The following MCC variants were observed in gnomAD, a reference collection of about 807,000 sequenced individuals.
MCC encodes the protein colorectal mutant cancer protein.
MCC carries 90 observed loss-of-function variants against 116.2 expected under a neutral mutation model. The ratio of observed to expected loss-of-function variants is 0.77; its 90% CI spans 0.65 to 0.92. The LOEUF is 0.92. Ranked by LOEUF, MCC falls within the 40% of genes least tolerant of loss-of-function variation. The pLI, the probability that MCC is intolerant of heterozygous loss-of-function variation, is 0.00. For missense variants in MCC, 1,516 were observed against 1,312.2 expected, an observed-to-expected ratio of 1.16 and a Z score of -2.40; for synonymous variants, 578 against 510.5, an observed-to-expected ratio of 1.13 and a Z score of -1.78.
chr5:113,430,184 T>A (rs1357722307), intron 1 of MCC, among the ~76,000 whole-genome samples: 1 of 152,252 alleles, frequency 6.6e-6, no homozygotes, highest in East Asian at 1.9e-4. Context: ...AGTCATTTTT[T>A]CAACACTAAC....
intron 3 of MCC, among the ~76,000 whole-genome samples, chr5:113,327,595 A>G (rs1434859198): frequency 8.1e-6 from 1 of 122,774 alleles, no homozygotes; most frequent in Non-Finnish European, 1.8e-5. Context: ...TAAAAATCTC[A>G]TCCTCTATGT....
At chr5:113,443,587 A>C (rs753084136) in intron 1 of MCC, among the ~76,000 whole-genome samples, 4 of 152,116 alleles carry the variant, frequency 2.6e-5, no homozygotes, top group Non-Finnish European at 4.4e-5. Context: ...TTTCAAAGGG[A>C]ATGCTTCCAG....
At chr5:113,488,047 A>ACCC (rs1772591927) in intron 1 of MCC, among the ~76,000 whole-genome samples, 198 bp downstream of exon 1, 1 of 151,576 alleles carries the variant, frequency 6.6e-6, no homozygotes, top group Non-Finnish European at 1.5e-5. Flanking sequence ...ACCAACTGGC[A>ACCC]CCCCCGCAAG....
intron 3 of MCC, among the ~76,000 whole-genome samples, chr5:113,168,914 C>G (rs1225575079): frequency 6.6e-6 from 1 of 152,128 alleles, no homozygotes; most frequent in African/African-American, 2.4e-5. Context: ...CAGGCATCAG[C>G]CCCCATGATA....
At chr5:113,306,688 T>TAG in intron 3 of MCC, among the ~76,000 whole-genome samples, 1 of 152,332 alleles carries the variant, frequency 6.6e-6, no homozygotes, top group East Asian at 1.9e-4. Context: ...CCTTTCTTGG[T>TAG]AGAGCCCTTT....
intron 7 of MCC, among the ~76,000 whole-genome samples, chr5:113,102,908 G>C (rs1317499179): frequency 6.6e-6 from 1 of 152,202 alleles, no homozygotes; most frequent in Admixed American, 6.5e-5. Flanking sequence ...CTGAGGTCAG[G>C]AGTTCAAGAC....
At chr5:113,461,465 T>C (rs1450274749) in intron 1 of MCC, among the ~76,000 whole-genome samples, 1 of 152,056 alleles carries the variant, frequency 6.6e-6, no homozygotes, top group African/African-American at 2.4e-5. Context: ...GAATCCATTG[T>C]ATATGCCACA....
intron 3 of MCC, among the ~76,000 whole-genome samples, chr5:113,251,411 A>T (rs1764795560): frequency 6.6e-6 from 1 of 152,238 alleles, no homozygotes; most frequent in African/African-American, 2.4e-5. Flanking sequence ...TTTAAGATAC[A>T]GACAGCTTTT....
At chr5:113,345,135 A>G (rs1362636858) in intron 2 of MCC, among the ~76,000 whole-genome samples, 2 of 152,154 alleles carry the variant, frequency 1.3e-5, no homozygotes, top group African/African-American at 2.4e-5. Flanking sequence ...AGAACTCACC[A>G]TGGGTCAGTG....
intron 1 of MCC, among the ~76,000 whole-genome samples, chr5:113,462,601 C>A (rs981390820): frequency 6.6e-6 from 1 of 152,174 alleles, no homozygotes; most frequent in African/African-American, 2.4e-5. Context: ...AAAACCCCAA[C>A]AGCAATTTGT....
In MCC at chr5:113,109,054, C is replaced by T. The variant is rs13436295; in HGVS notation, c.1028-4699G>A. On this transcript the variant is annotated intron_variant, in intron 6 of 18. Transcript: ENST00000408903. Reference sequence around the variant, plus strand: ...AAGGTACCAAGCACTTATCACCACTCACCGCCAGCATCCACATGGCTCCAG... The same window carrying T: ...AAGGTACCAAGCACTTATCACCACTTACCGCCAGCATCCACATGGCTCCAG... 1.7e-3 allele frequency among the ~76,000 whole-genome samples: 265 copies of T among 152,368 alleles called. 3 individuals are homozygous for T. Among genetic ancestry groups the T allele is most frequent in the African/African-American group, 5.8e-3 (242 of 41,582 alleles).
At chr5:113,213,103 G>C (rs1763190023) in intron 3 of MCC, among the ~76,000 whole-genome samples, 1 of 152,100 alleles carries the variant, frequency 6.6e-6, no homozygotes, top group South Asian at 2.1e-4. Context: ...ATTTTGATAA[G>C]CCAAAGTGTT....
chr5:113,038,150 C>T (rs1751443866), intron 17 of MCC, among the ~76,000 whole-genome samples: 1 of 151,834 alleles, frequency 6.6e-6, no homozygotes, highest in Middle Eastern at 3.2e-3. Context: ...AATCCTGGAT[C>T]ATTAGGAGAA....
intron 3 of MCC, among the ~76,000 whole-genome samples, chr5:113,266,850 G>A (rs1369499467): frequency 6.6e-6 from 1 of 151,932 alleles, no homozygotes; most frequent in East Asian, 1.9e-4. Flanking sequence ...TAAAAGATTA[G>A]GTATCAGGCT....
chr5:113,339,374 TTAAC>T (rs1247162645), intron 3 of MCC, among the ~76,000 whole-genome samples: 5 of 151,856 alleles, frequency 3.3e-5, no homozygotes, highest in African/African-American at 4.8e-5. Context: ...CACACTATTA[TTAAC>T]TAAAGTCCAT....
chr5:113,156,823 T>C (rs1016247114), intron 3 of MCC, among the ~76,000 whole-genome samples: 4 of 152,196 alleles, frequency 2.6e-5, no homozygotes, highest in Non-Finnish European at 5.9e-5. Flanking sequence ...CACCTGGACA[T>C]TTGGCTGCAA....
At chr5:113,360,744 A>T (rs1175409844) in intron 2 of MCC, among the ~76,000 whole-genome samples, 1 of 152,148 alleles carries the variant, frequency 6.6e-6, no homozygotes, top group Non-Finnish European at 1.5e-5. Flanking sequence ...TTCTTTTCAA[A>T]CGTGTCTGCA....
At chr5:113,041,140 A>G (rs1053553708) in intron 17 of MCC, among the ~76,000 whole-genome samples, 4 of 152,206 alleles carry the variant, frequency 2.6e-5, no homozygotes, top group African/African-American at 9.7e-5. Flanking sequence ...AAACAGAGCT[A>G]TTACAACTTG....
chr5:113,485,995 C>G (rs893041201), intron 1 of MCC, among the ~76,000 whole-genome samples: 1 of 152,198 alleles, frequency 6.6e-6, no homozygotes, highest in African/African-American at 2.4e-5. Context: ...GAAAGCAGCA[C>G]AGAAAAGTGG....
Sources: allele counts gnomAD v4.1 joint callset (sites outside exome capture counted in the v4.1 genomes callset), GRCh38; gene constraint gnomAD v4.1.1; transcripts MANE v1.5; gene names NCBI Gene and HGNC (gene_info 2026-07-23, HGNC 2026-07-21).